The following MAN2A2 variants were observed in gnomAD, a reference collection of about 807,000 sequenced individuals.
MAN2A2 encodes the protein mannosidase alpha class 2A member 2.
In MAN2A2, 79 loss-of-function variants were observed where a neutral mutation model predicts 126.8. The ratio of observed to expected loss-of-function variants is 0.62; its 90% CI spans 0.52 to 0.75. MAN2A2 has a LOEUF of 0.75. MAN2A2 is among the 30% of genes least tolerant of loss of function. The pLI is 0.00. For missense variants in MAN2A2, 1,392 were observed against 1,522.4 expected (o/e 0.91, Z 1.43); for synonymous variants, 671 against 618.7 (o/e 1.08, Z -1.25).
In MAN2A2 at chr15:90,911,155, G is replaced by C; in HGVS notation, c.1876-16G>C. ...AGCCCATGATGGTTCTTCCCTTCCG[G>C]CTCACTGAATTCCAGGATGACACTC... On this transcript the variant is annotated splice_polypyrimidine_tract_variant and intron_variant, in intron 12 of 22. Transcript: ENST00000559717. The C allele has an allele frequency of 6.2e-7, 1 of 1,613,556 alleles. No individual in the cohort carries two copies. The highest frequency in any genetic ancestry group is 1.3e-5 in the African/African-American group (1 of 74,996).
In MAN2A2 at chr15:90,904,431, C is replaced by T. The variant is rs986912928; in HGVS notation, c.132+92C>T. The stretch of plus-strand genomic sequence containing the variant: ...ACCCCGCCGCCTCCCCTCCCACCCC[C>T]CGCTGGAGGGTAATGTCAGTACAGG... On this transcript the variant is annotated intron_variant, in intron 2 of 22. Coordinates refer to ENST00000559717, the MANE Select transcript of MAN2A2 (RefSeq NM_006122.4). 3.6e-6 allele frequency: 5 copies of T among 1,392,688 alleles called. No individual in the cohort carries two copies. The African/African-American group carries it at 5.7e-5, about 16-fold the overall frequency. The allele number at this position is 1,392,688 out of a possible 1,614,324, so 86.3% of individuals were successfully genotyped here. A position where few individuals can be genotyped will look rare whatever the true frequency, so the allele number is the denominator to read the frequency against.
chr15:90,911,335 C>T (rs1487109192), intron 13 of MAN2A2, 50 bp from the exon 14 acceptor site: 9 of 1,613,384 alleles, frequency 5.6e-6, no homozygotes, highest in Non-Finnish European at 7.6e-6. Context: ...AGGGCGCTTG[C>T]CCTGGTCGGA....
At chr15:90,910,011 A>T in intron 9 of MAN2A2, 79 bp from the exon 10 acceptor site, 3 of 1,305,230 alleles carry the variant, frequency 2.3e-6, no homozygotes, top group Non-Finnish European at 3.2e-6. Context: ...CCCCTGCCTC[A>T]CCCCCAACTG....
Position 90,913,312 on chromosome 15 carries a change from A to G in MAN2A2, c.2624A>G (p.Asp875Gly). ...TCTCTGGACATATCATCCCTGGTGG[A>G]CATCCGGGACTACGTCAACAAGGAG... ...GLSLDISSLV[D>G]IRDYVNKELA... The change falls in exon 18 of 23, where the codon GAC becomes GGC. Residue 875 changes from aspartate to glycine, a missense_variant. Asp to Gly is a moderately conservative substitution (Grantham distance 94). Coordinates refer to ENST00000559717, the MANE Select transcript of MAN2A2 (RefSeq NM_006122.4). 6.2e-7 allele frequency: 1 copy of G among 1,614,018 alleles called. No individual in the cohort carries two copies. Among genetic ancestry groups the G allele is most frequent in the Non-Finnish European group, 8.5e-7 (1 of 1,179,918 alleles).
intron 8 of MAN2A2, among the ~76,000 whole-genome samples, chr15:90,908,422 G>A (rs2034463654): frequency 6.6e-6 from 1 of 152,198 alleles, no homozygotes. Flanking sequence ...GTAGGAAAGG[G>A]CTTCTGCTGA....
chr15:90,912,008 G>C (rs201847461), intron 14 of MAN2A2, 35 bp from the exon 15 acceptor site: 1 of 1,566,136 alleles, frequency 6.4e-7, no homozygotes, highest in African/African-American at 1.3e-5. Context: ...GGCGAAAGCC[G>C]TGCCCCCACT....
At position 90,916,444 on chromosome 15, in the gene MAN2A2, C is replaced by T. The variant is rs1266487; in HGVS notation, c.2994+188C>T. 3 of 1,082,758 alleles carry T rather than the reference C, an allele frequency of 2.8e-6. No individual in the cohort carries two copies. In the African/African-American group the frequency reaches 4.7e-5, roughly 17 times the overall value. The allele number at this position is 1,082,758 out of a possible 1,614,324, so 67.1% of individuals were successfully genotyped here. On this transcript the variant is annotated intron_variant, in intron 20 of 22. Transcript: ENST00000559717. ...CCATCTCACGCAGCCTGGCACCTTCCTCTCCCAGCAGCGCTCTGTCACCTG... is the reference window on the plus strand; with the variant it reads ...CCATCTCACGCAGCCTGGCACCTTCTTCTCCCAGCAGCGCTCTGTCACCTG...
chr15:90,913,267 AC>A lies in MAN2A2; in HGVS notation c.2585-3del. 6.2e-7 allele frequency: 1 copy of A among 1,613,324 alleles called. No individual in the cohort carries two copies. Among genetic ancestry groups the A allele is most frequent in the Non-Finnish European group, 8.5e-7 (1 of 1,179,708 alleles). Reference sequence around the variant, plus strand: ...GTCCATGCCCCCACTTTGTTCCTGTACCCAGGGGTGGAGGGGCTGTCTCTGG... The same window carrying A: ...GTCCATGCCCCCACTTTGTTCCTGTACCAGGGGTGGAGGGGCTGTCTCTGG... On this transcript the variant is annotated splice_polypyrimidine_tract_variant and splice_region_variant and intron_variant, in intron 17 of 22. Transcript: ENST00000559717.
chr15:90,915,604 CACAG>C (rs1486918163), intron 19 of MAN2A2: 20 of 152,562 alleles, frequency 1.3e-4, no homozygotes, highest in Admixed American at 1.3e-3. Context: ...ACTTTTAACA[CACAG>C]ACAGTCAGAG....
At chr15:90,909,950 C>A in intron 9 of MAN2A2, 140 bp from the exon 10 acceptor site, 1 of 732,002 alleles carries the variant, frequency 1.4e-6, no homozygotes, top group Non-Finnish European at 2.2e-6. Flanking sequence ...TCCCCTACTT[C>A]TGTTAAGTCT....
Position 90,912,775 on chromosome 15 carries a change from G to A in MAN2A2, c.2470-102G>A, listed in dbSNP as rs2034858515. 4 of 1,567,402 alleles carry A rather than the reference G, an allele frequency of 2.6e-6. No individual in the cohort carries two copies. The Admixed American group carries it at 7.0e-5, about 27-fold the overall frequency. On this transcript the variant is annotated intron_variant, in intron 16 of 22. Transcript: ENST00000559717. ...GGCCTTGTCTTTCCTGTTCAGCCCAGGGGTGTCTGGGAATAGGTGCTCTCT... is the reference window on the plus strand; with the variant it reads ...GGCCTTGTCTTTCCTGTTCAGCCCAAGGGTGTCTGGGAATAGGTGCTCTCT...
In MAN2A2 at chr15:90,906,746, C is replaced by T; in HGVS notation, c.842C>T (p.Thr281Ile). The change falls in exon 7 of 23, where the codon ACC (threonine) becomes ATC (isoleucine). Residue 281 changes from threonine to isoleucine, a missense_variant. Transcript: ENST00000559717. ...HQWLERNLGA[T>I]PRSGWAVDPF... ...GCTTCCATGCCCTGCCCAGGTGCAA[C>T]CCCCCGCTCTGGCTGGGCAGTGGAC... 1.2e-6 allele frequency: 2 copies of T among 1,611,534 alleles called. No individual in the cohort carries two copies. Among genetic ancestry groups the T allele is most frequent in the South Asian group, 2.2e-5 (2 of 91,062 alleles).
In MAN2A2 at chr15:90,921,749, T is replaced by G. The variant is rs1447572833; in HGVS notation, c.*1962T>G. The G allele has an allele frequency of 6.6e-6, 1 of 152,130 alleles. No homozygotes were observed. The highest frequency in any genetic ancestry group is 1.9e-4 in the East Asian group (1 of 5,198). 9.4% of individuals were successfully genotyped at this position (152,130 alleles called of 1,614,324 possible). A position where few individuals can be genotyped will look rare whatever the true frequency, so the allele number is the denominator to read the frequency against. On this transcript the variant is annotated 3_prime_UTR_variant, in exon 23 of 23. Transcript: ENST00000559717. ...GCCTGGCCAAGATGGCGAAACCCTGTGTCTACTAAAAATACAAAAACTAGC... is the reference window on the plus strand; with the variant it reads ...GCCTGGCCAAGATGGCGAAACCCTGGGTCTACTAAAAATACAAAAACTAGC...
Position 90,904,172 on chromosome 15 carries a change from T to C in MAN2A2, c.-18-18T>C, listed in dbSNP as rs1255467789. 1 of 1,614,020 alleles carries C rather than the reference T, an allele frequency of 6.2e-7. No homozygotes were observed. Among genetic ancestry groups the C allele is most frequent in the South Asian group, 1.1e-5 (1 of 91,088 alleles). ...GCATTTTGCATGTTGGAGCTACAGATGGTGTCCTTCCTGCCAGGTGTGTGT... is the reference window on the plus strand; with the variant it reads ...GCATTTTGCATGTTGGAGCTACAGACGGTGTCCTTCCTGCCAGGTGTGTGT... On this transcript the variant is annotated intron_variant, in intron 1 of 22. Transcript: ENST00000559717.
chr15:90,917,957 C>T, intron 20 of MAN2A2: 1 of 531,544 alleles, frequency 1.9e-6, no homozygotes, highest in East Asian at 3.1e-5. Flanking sequence ...GAGCAAGGAA[C>T]TAAAAAGTAG....
intron 20 of MAN2A2, among the ~76,000 whole-genome samples, chr15:90,917,210 C>T (rs116767845): frequency 0.021 from 3,195 of 152,304 alleles, 113 homozygotes; most frequent in African/African-American, 0.072. Context: ...AAGTGGCTGC[C>T]GTATTAGACC....
rs1469711172 is a variant in MAN2A2, at chr15:90,906,448, A to G, written c.786A>G (p.Ala262=). 3 of 1,614,046 alleles carry G rather than the reference A, an allele frequency of 1.9e-6. No individual in the cohort carries two copies. The highest frequency in any genetic ancestry group is 2.5e-6 in the Non-Finnish European group (3 of 1,180,018). The part of the protein sequence containing the change: ...MPDEANSHYF[A]LIDQLIEGHQ... ...ATGAGGCCAATTCCCACTACTTTGC[A>G]TTGATTGACCAGCTCATCGAAGGAC... The change falls in exon 6 of 23, where the codon GCA becomes GCG. Residue 262 remains alanine (A), a synonymous_variant. Transcript: ENST00000559717.
intron 9 of MAN2A2, among the ~76,000 whole-genome samples, chr15:90,909,739 G>A (rs2034579582): frequency 6.6e-6 from 1 of 152,096 alleles, no homozygotes; most frequent in South Asian, 2.1e-4. Flanking sequence ...AAGTAGCTGG[G>A]ACTACAGGTG....
Position 90,910,299 on chromosome 15 carries a change from C to T in MAN2A2, c.1577+7C>T. The T allele has an allele frequency of 1.2e-6, 2 of 1,613,654 alleles. No individual in the cohort carries two copies. The highest frequency in any genetic ancestry group is 1.7e-6 in the Non-Finnish European group (2 of 1,179,716). On this transcript the variant is annotated splice_region_variant and intron_variant, in intron 10 of 22. Transcript: ENST00000559717. ...TCCTGGAAGCCCACCTGCGGTGAGA[C>T]CCTGTCCCCGCTTCCAGGCTGGAGG...
Sources: gnomAD v4.1 joint callset for allele counts (sites outside exome capture counted in the v4.1 genomes callset) on GRCh38, gnomAD v4.1.1 for gene constraint, MANE v1.5 for transcripts, NCBI Gene and HGNC (gene_info 2026-07-23, HGNC 2026-07-21) for gene names.